Variants in MARK3 observed in about 807,000 individuals in gnomAD.
The protein encoded by MARK3 is MAP/microtubule affinity-regulating kinase 3.
MARK3 carries 46 observed loss-of-function variants against 90.1 expected under a neutral mutation model. The ratio of observed to expected loss-of-function variants is 0.51; its 90% confidence interval spans 0.40 to 0.65. MARK3 has a LOEUF of 0.65. MARK3 is among the 30% of genes least tolerant of loss of function. MARK3 has a pLI of 0.00. For missense variants in MARK3, 818 were observed against 947.2 expected, an observed-to-expected ratio of 0.86 and a Z score of 1.79; for synonymous variants, 321 against 332.6, an observed-to-expected ratio of 0.97 and a Z score of 0.38.
intron 14 of MARK3, among the ~76,000 whole-genome samples, chr14:103,482,668 T>TC (rs2093847986): frequency 6.6e-6 from 1 of 152,202 alleles, no homozygotes; most frequent in South Asian, 2.1e-4. Context: ...GCTCTCTGCT[T>TC]CCATCCTGTG....
intron 3 of MARK3, among the ~76,000 whole-genome samples, chr14:103,439,755 G>C (rs2092805636): frequency 6.6e-6 from 1 of 152,044 alleles, no homozygotes; most frequent in Admixed American, 6.6e-5. Flanking sequence ...CTCATGCTAT[G>C]TGTATTCTCC....
chr14:103,435,704 G>A (rs1386667185), intron 3 of MARK3, among the ~76,000 whole-genome samples: 1 of 151,848 alleles, frequency 6.6e-6, no homozygotes, highest in Non-Finnish European at 1.5e-5. Flanking sequence ...CACCACGCCC[G>A]GCCTATTTAT....
intron 15 of MARK3, among the ~76,000 whole-genome samples, chr14:103,493,032 G>T (rs924175072): frequency 2.0e-5 from 3 of 152,116 alleles, no homozygotes; most frequent in Middle Eastern, 3.2e-3. Context: ...ACAGCAGTAG[G>T]AGTCTTTCCC....
At chr14:103,456,383 A>G (rs555953016) in intron 5 of MARK3, among the ~76,000 whole-genome samples, 3 of 152,258 alleles carry the variant, frequency 2.0e-5, no homozygotes, top group African/African-American at 4.8e-5. Flanking sequence ...ACCACGGCCT[A>G]CAGGACTCTT....
At chr14:103,400,041 G>T (rs1338113349) in intron 1 of MARK3, among the ~76,000 whole-genome samples, 1 of 151,616 alleles carries the variant, frequency 6.6e-6, no homozygotes, top group African/African-American at 2.4e-5. Flanking sequence ...CGATTCTCAT[G>T]CCTCAGTCTT....
chr14:103,492,516 C>A (rs1386619627), intron 15 of MARK3, among the ~76,000 whole-genome samples: 1 of 152,184 alleles, frequency 6.6e-6, no homozygotes, highest in Admixed American at 6.5e-5. Flanking sequence ...TTGAAAGTTT[C>A]TCTCTCAGTC....
chr14:103,417,552 C>T (rs1294318440), intron 2 of MARK3: 1 of 152,046 alleles, frequency 6.6e-6, no homozygotes, highest in African/African-American at 2.4e-5. Context: ...AAGGGTTAGT[C>T]TTCATTCATT....
intron 1 of MARK3, among the ~76,000 whole-genome samples, chr14:103,390,367 A>G (rs1239442627): frequency 1.3e-5 from 2 of 152,244 alleles, no homozygotes; most frequent in Admixed American, 6.5e-5. Flanking sequence ...ACAGAAGACC[A>G]CTAACTATTT....
chr14:103,494,363 C>A (rs2075205558), intron 15 of MARK3, among the ~76,000 whole-genome samples: 1 of 151,300 alleles, frequency 6.6e-6, no homozygotes, highest in Non-Finnish European at 1.5e-5. Flanking sequence ...ACCATCCTAG[C>A]CAACATGGAG....
intron 2 of MARK3, among the ~76,000 whole-genome samples, chr14:103,414,041 CT>C (rs1227984124): frequency 2.0e-5 from 3 of 152,098 alleles, no homozygotes; most frequent in Non-Finnish European, 4.4e-5. Context: ...TTTAATTTCT[CT>C]AGGAGTGACA....
At chr14:103,481,085 G>A (rs1318812429) in intron 14 of MARK3, among the ~76,000 whole-genome samples, 3 of 152,174 alleles carry the variant, frequency 2.0e-5, no homozygotes, top group Non-Finnish European at 4.4e-5. Flanking sequence ...AATAAGGAGA[G>A]CATCCTATCA....
intron 3 of MARK3, among the ~76,000 whole-genome samples, chr14:103,446,540 A>G (rs973493018): frequency 2.0e-5 from 3 of 151,912 alleles, no homozygotes; most frequent in African/African-American, 4.8e-5. Flanking sequence ...ATAAATAAAC[A>G]AACAGTATGT....
At chr14:103,468,472 G>A (rs1427588511) in intron 12 of MARK3, among the ~76,000 whole-genome samples, 1 of 151,750 alleles carries the variant, frequency 6.6e-6, no homozygotes, top group Non-Finnish European at 1.5e-5. Context: ...CTACAGGTGT[G>A]TACCACCATG....
intron 14 of MARK3, among the ~76,000 whole-genome samples, chr14:103,487,079 A>G (rs994899960): frequency 2.0e-5 from 3 of 151,558 alleles, no homozygotes; most frequent in East Asian, 4.0e-4. Context: ...ACCACACCCA[A>G]CTAATTTTTG....
rs866934390 is a variant in MARK3 at position 103,427,439 on chromosome 14, G to A, written c.244-948G>A. Among the ~76,000 whole-genome samples, 23 of 144,170 alleles carry A rather than the reference G, an allele frequency of 1.6e-4. 1 individual carries two copies. The highest frequency in any genetic ancestry group is 2.2e-4 in the South Asian group (1 of 4,618). 94.6% of individuals were successfully genotyped at this position (144,170 alleles called of 152,430 possible). ...TATGAAAACTTGGGAGATGGAGGTT[G>A]CAATGAGCCGAGATCATGTCACTGC... is the stretch of plus-strand genomic sequence containing the variant. On this transcript the variant is annotated intron_variant, in intron 2 of 17. Coordinates refer to ENST00000429436, the MANE Select transcript of MARK3 (RefSeq NM_001128918.3).
intron 4 of MARK3, among the ~76,000 whole-genome samples, chr14:103,449,813 A>G (rs1286657094): frequency 1.3e-5 from 2 of 152,244 alleles, no homozygotes; most frequent in African/African-American, 4.8e-5. Flanking sequence ...AGATCATACA[A>G]TCTAAAAATA....
intron 12 of MARK3, among the ~76,000 whole-genome samples, chr14:103,469,636 A>G (rs2093587488): frequency 6.6e-6 from 1 of 151,912 alleles, no homozygotes; most frequent in African/African-American, 2.4e-5. Context: ...TATTTTTAGT[A>G]GAGACGGGAT....
chr14:103,437,893 T>A (rs2092754226), intron 3 of MARK3, among the ~76,000 whole-genome samples: 1 of 152,202 alleles, frequency 6.6e-6, no homozygotes, highest in African/African-American at 2.4e-5. Flanking sequence ...TAGTGAGTGG[T>A]ACAGCTGGGT....
intron 14 of MARK3, among the ~76,000 whole-genome samples, chr14:103,484,604 A>G (rs945367230): frequency 1.3e-5 from 2 of 152,234 alleles, no homozygotes; most frequent in Non-Finnish European, 2.9e-5. Context: ...GATTGAGGAC[A>G]CTTAGCGTAT....
Sources: gnomAD v4.1 joint callset for allele counts (sites outside exome capture counted in the v4.1 genomes callset) on GRCh38, gnomAD v4.1.1 for gene constraint, MANE v1.5 for transcripts, NCBI Gene and HGNC (gene_info 2026-07-23, HGNC 2026-07-21) for gene names.